CCDC88C: variants seen among roughly 807,000 people sequenced by gnomAD.
CCDC88C encodes the protein coiled-coil and HOOK domain protein 88C.
A neutral mutation model predicts 198.8 loss-of-function variants in CCDC88C; 131 were observed. The observed-to-expected ratio is 0.66, with a 90% CI of 0.57 to 0.76. The LOEUF (loss-of-function observed/expected upper bound fraction) is 0.76, where lower values mean the gene tolerates loss of function less well. CCDC88C is among the 30% of genes least tolerant of loss of function. The probability of loss-of-function intolerance (pLI) is 0.00; values close to 1 mark genes in which losing one functional copy is unlikely to be tolerated. For synonymous variants in CCDC88C, 1,166 were observed against 1,114.7 expected (o/e 1.05, Z -0.92); for missense variants, 2,553 against 2,631.6 (o/e 0.97, Z 0.65).
At chr14:91,315,899 A>G in intron 13 of CCDC88C, 112 bp from the exon 14 acceptor site, 1 of 1,104,560 alleles carries the variant, frequency 9.1e-7, no homozygotes, top group Non-Finnish European at 1.3e-6. Flanking sequence ...GTCTTTTCTC[A>G]AGGGAAGACC....
At chr14:91,376,012 CAGG>C (rs1012840855) in intron 3 of CCDC88C, among the ~76,000 whole-genome samples, 12 of 152,202 alleles carry the variant, frequency 7.9e-5, no homozygotes, top group African/African-American at 2.7e-4. Context: ...CGCGAGTTCA[CAGG>C]AGAAGAGGCT....
Position 91,339,002 on chromosome 14 carries a change from A to G in CCDC88C, c.809+276T>C. On this transcript the variant is annotated intron_variant, in intron 8 of 29. Coordinates refer to ENST00000389857, the MANE Select transcript of CCDC88C (RefSeq NM_001080414.4). The surrounding 1 kb of genome is among the most constrained non-coding windows in gnomAD (Gnocchi z 5.8). Reference sequence around the variant, plus strand: ...TCGTCCCGGCCCCAAGCTGGAGCTGAGCGTGGACTGGAGGCTGCTTCTGTG... The same window carrying G: ...TCGTCCCGGCCCCAAGCTGGAGCTGGGCGTGGACTGGAGGCTGCTTCTGTG... The G allele has an allele frequency of 1.8e-6, 1 of 552,296 alleles. No individual in the cohort carries two copies. Among genetic ancestry groups the G allele is most frequent in the Non-Finnish European group, 3.3e-6 (1 of 303,340 alleles). 34.2% of individuals were successfully genotyped at this position (552,296 alleles called of 1,614,324 possible). A position where few individuals can be genotyped will look rare whatever the true frequency, so the allele number is the denominator to read the frequency against.
At chr14:91,351,779 C>T (rs993071213) in intron 4 of CCDC88C, among the ~76,000 whole-genome samples, 1 of 152,146 alleles carries the variant, frequency 6.6e-6, no homozygotes, top group African/African-American at 2.4e-5. Flanking sequence ...TCTCTGCTGC[C>T]CATGTCAAGT....
rs553830591 is a variant in CCDC88C at position 91,290,243 on chromosome 14, A to C, written c.4202+752T>G. 2.3e-3 allele frequency among the ~76,000 whole-genome samples: 344 copies of C among 152,358 alleles called. 1 individual carries two copies. Among genetic ancestry groups the C allele is most frequent in the African/African-American group, 8.0e-3 (333 of 41,580 alleles). On this transcript the variant is annotated intron_variant, in intron 24 of 29. Coordinates refer to ENST00000389857, the MANE Select transcript of CCDC88C (RefSeq NM_001080414.4). ...GCTGAGACTGTGCCATTGCACTCCA[A>C]CCTGGATGTCACAGCGAGACTCCGT...
chr14:91,371,505 G>A lies in CCDC88C; in HGVS notation c.271-11794C>T, dbSNP rs1894803067. On this transcript the variant is annotated intron_variant, in intron 3 of 29. Coordinates refer to ENST00000389857, the MANE Select transcript of CCDC88C (RefSeq NM_001080414.4). This position sits in a 1 kb window ranked among gnomAD's most constrained non-coding sequence, Gnocchi z 4.2. ...GGAGTACAGAGGCCGGCGGTGGCAG[G>A]AGTACAGCACAGACCAAGACCACAG... 6.6e-6 allele frequency among the ~76,000 whole-genome samples: 1 copy of A among 152,058 alleles called. No individual in the cohort carries two copies. Among genetic ancestry groups the A allele is most frequent in the Admixed American group, 6.5e-5 (1 of 15,276 alleles).
intron 3 of CCDC88C, among the ~76,000 whole-genome samples, chr14:91,383,325 G>A (rs1366355337): frequency 2.0e-5 from 3 of 152,226 alleles, no homozygotes; most frequent in Non-Finnish European, 4.4e-5. Context: ...GCCGTGGGGG[G>A]CCCAGCCAGG....
intron 19 of CCDC88C, 106 bp downstream of exon 19, chr14:91,305,659 T>C (rs1043970273): frequency 5.4e-6 from 6 of 1,102,576 alleles, no homozygotes; most frequent in Non-Finnish European, 7.6e-6. Flanking sequence ...CTTTGTGCTT[T>C]GATCTGCTGC....
At chr14:91,414,988 AG>A (rs1435704777) in intron 2 of CCDC88C, among the ~76,000 whole-genome samples, 1 of 152,206 alleles carries the variant, frequency 6.6e-6, no homozygotes, top group Non-Finnish European at 1.5e-5. Flanking sequence ...GAAACGCTTC[AG>A]GAATTCCAAA....
At chr14:91,323,421 T>C (rs1892439798) in intron 12 of CCDC88C, among the ~76,000 whole-genome samples, 1 of 152,114 alleles carries the variant, frequency 6.6e-6, no homozygotes, top group African/African-American at 2.4e-5. Context: ...GAAACTAAAG[T>C]TTTAAGAGGT....
intron 10 of CCDC88C, 125 bp from the exon 11 acceptor site, chr14:91,326,181 G>A (rs1892576610): frequency 1.9e-5 from 15 of 796,278 alleles, no homozygotes; most frequent in South Asian, 5.7e-5. Flanking sequence ...GGAAGTCCGA[G>A]GCAGGAAGTT....
intron 3 of CCDC88C, among the ~76,000 whole-genome samples, chr14:91,394,452 A>C (rs534655432): frequency 6.6e-6 from 1 of 152,342 alleles, no homozygotes; most frequent in Non-Finnish European, 1.5e-5. Context: ...AAAGGGCAGC[A>C]GGTCGGGGGC....
chr14:91,417,762 G>C lies in CCDC88C; in HGVS notation c.-72C>G. 8.4e-7 allele frequency: 1 copy of C among 1,188,784 alleles called. No individual in the cohort carries two copies. Among genetic ancestry groups the C allele is most frequent in the Non-Finnish European group, 1.1e-6 (1 of 923,128 alleles). The allele number at this position is 1,188,784 out of a possible 1,614,324, so 73.6% of individuals were successfully genotyped here. A position where few individuals can be genotyped will look rare whatever the true frequency, so the allele number is the denominator to read the frequency against. The stretch of plus-strand genomic sequence containing the variant: ...GTTCCCCCGCGCCGCGGCACAAAAC[G>C]GCTCCGCAGCGAGCAGCGGGCGCGG... On this transcript the variant is annotated 5_prime_UTR_variant, in exon 1 of 30. Coordinates refer to ENST00000389857, the MANE Select transcript of CCDC88C (RefSeq NM_001080414.4).
At position 91,273,884 on chromosome 14, in the gene CCDC88C, A is replaced by G. The variant is rs1889849908; in HGVS notation, c.5059-231T>C. Among the ~76,000 whole-genome samples, 2 of 152,102 alleles carry G rather than the reference A, an allele frequency of 1.3e-5. No individual in the cohort carries two copies. The highest frequency in any genetic ancestry group is 4.1e-4 in the South Asian group (2 of 4,824). ...CAGGAAAGAACCCCAGATTCCCCCC[A>G]GGCAACCCCCTAACTTTACAGATAA... On this transcript the variant is annotated intron_variant, in intron 29 of 29. Transcript: ENST00000389857. This position sits in a 1 kb window ranked among gnomAD's most constrained non-coding sequence, Gnocchi z 5.6.
At chr14:91,299,369 G>T (rs185334839) in intron 21 of CCDC88C, among the ~76,000 whole-genome samples, 21 of 152,282 alleles carry the variant, frequency 1.4e-4, no homozygotes, top group African/African-American at 4.8e-4. Context: ...TGAAAACCGT[G>T]GCATTGAAGA....
chr14:91,342,941 G>T (rs1039420218), intron 5 of CCDC88C, among the ~76,000 whole-genome samples: 59 of 152,194 alleles, frequency 3.9e-4, no homozygotes, highest in African/African-American at 1.4e-3. Flanking sequence ...ATGTAAAGGT[G>T]GGCATGAGGC....
rs541351187 is a variant in CCDC88C, at chr14:91,319,815, C to T, written c.1527+1305G>A. On this transcript the variant is annotated intron_variant, in intron 13 of 29. Coordinates refer to ENST00000389857, the MANE Select transcript of CCDC88C (RefSeq NM_001080414.4). ...CCGAGGCGGGTGGGCCACCTGAGGT[C>T]GGGAGTTTGAGACCAGCCTGGCCAA... Among the ~76,000 whole-genome samples, 13 of 152,072 alleles carry T rather than the reference C, an allele frequency of 8.5e-5. No homozygotes were observed. The South Asian group carries it at 1.5e-3, about 17-fold the overall frequency.
intron 25 of CCDC88C, chr14:91,285,352 G>A (rs1024961162): frequency 3.9e-5 from 17 of 438,504 alleles, no homozygotes; most frequent in African/African-American, 8.1e-5. Flanking sequence ...ACATAAGCTC[G>A]CAGGTGCAAG....
At chr14:91,305,996 G>A in intron 18 of CCDC88C, 70 bp from the exon 19 acceptor site, 1 of 1,520,012 alleles carries the variant, frequency 6.6e-7, no homozygotes, top group Non-Finnish European at 9.0e-7. Flanking sequence ...CAGGTACTTG[G>A]GTTGTAACGA....
At chr14:91,414,880 C>G (rs1208553858) in intron 2 of CCDC88C, among the ~76,000 whole-genome samples, 1 of 152,190 alleles carries the variant, frequency 6.6e-6, no homozygotes, top group Non-Finnish European at 1.5e-5. Flanking sequence ...CCACACCACC[C>G]CGGCCGAATT....
Sources: allele counts gnomAD v4.1 joint callset (sites outside exome capture counted in the v4.1 genomes callset), GRCh38; gene constraint gnomAD v4.1.1; non-coding constraint Gnocchi (gnomAD v3.1); transcripts MANE v1.5; gene names NCBI Gene and HGNC (gene_info 2026-07-23, HGNC 2026-07-21).